The following NSUN7 variants were observed in gnomAD, a reference collection of about 807,000 sequenced individuals.
The protein encoded by NSUN7 is protein NSUN7.
NSUN7 carries 39 observed loss-of-function variants against 58.5 expected under a neutral mutation model. The ratio of observed to expected loss-of-function variants is 0.67; its 90% CI spans 0.52 to 0.87. The LOEUF (loss-of-function observed/expected upper bound fraction) is 0.87. Among genes scored for constraint, NSUN7 ranks in the 40% least tolerant of loss-of-function variants. NSUN7 has a pLI of 0.00. For synonymous variants in NSUN7, 278 were observed against 303.7 expected, an observed-to-expected ratio of 0.92 and a Z score of 0.88; for missense variants, 765 against 844.1, an observed-to-expected ratio of 0.91 and a Z score of 1.16.
chr4:40,779,778 C>T (rs753253212), intron 7 of NSUN7, among the ~76,000 whole-genome samples: 24 of 152,142 alleles, frequency 1.6e-4, no homozygotes, highest in Non-Finnish European at 2.2e-4. Flanking sequence ...TAAATTACAA[C>T]CATGACATAT....
chr4:40,761,053 G>T, intron 3 of NSUN7, 118 bp from the exon 4 acceptor site: 1 of 766,586 alleles, frequency 1.3e-6, no homozygotes. Flanking sequence ...ATCAGACTAT[G>T]TAAAAATAGT....
Position 40,761,291 on chromosome 4 carries a change from C to G in NSUN7, c.478C>G (p.Leu160Val), listed in dbSNP as rs762983582. 3 of 1,598,230 alleles carry G rather than the reference C, an allele frequency of 1.9e-6. No homozygotes were observed. Among genetic ancestry groups the G allele is most frequent in the East Asian group, 2.3e-5 (1 of 44,156 alleles). Residue 160 changes from leucine (L) to valine (V), a missense_variant, in exon 4 of 12, where the codon CTT becomes GTT. Physicochemically the swap from Leu to Val is conservative, Grantham distance 32 (BLOSUM62 1). Coordinates refer to ENST00000381782, the MANE Select transcript of NSUN7 (RefSeq NM_024677.6). ...PISEVQEVEN[L>V]LNSFKIKLAA... is the part of the protein sequence containing the mutation. Reference sequence around the variant, plus strand: ...ATCAGAAGTTCAAGAAGTAGAGAACCTTCTTAACAGGTAATCGTAAAAGTG... The same window carrying G: ...ATCAGAAGTTCAAGAAGTAGAGAACGTTCTTAACAGGTAATCGTAAAAGTG...
At chr4:40,752,223 T>C (rs573125324) in intron 2 of NSUN7, among the ~76,000 whole-genome samples, 25 of 152,334 alleles carry the variant, frequency 1.6e-4, no homozygotes, top group South Asian at 1.0e-3. Context: ...CAACACTCTT[T>C]TGCATGATTT....
chr4:40,750,606 C>A lies in NSUN7; in HGVS notation c.-88C>A. Reference sequence around the variant, plus strand: ...CAATCACCTTCTCTCTTCACAGAGACCATGCTGCAGATGCGAGGAAAGCCG... The same window carrying A: ...CAATCACCTTCTCTCTTCACAGAGAACATGCTGCAGATGCGAGGAAAGCCG... On this transcript the variant is annotated 5_prime_UTR_variant, in exon 2 of 12. Coordinates refer to ENST00000381782, the MANE Select transcript of NSUN7 (RefSeq NM_024677.6). 1.4e-6 allele frequency: 2 copies of A among 1,460,824 alleles called. No homozygotes were observed. Among genetic ancestry groups the A allele is most frequent in the Non-Finnish European group, 9.4e-7 (1 of 1,065,984 alleles). The allele number at this position is 1,460,824 out of a possible 1,614,324, so 90.5% of individuals were successfully genotyped here.
At chr4:40,787,954 C>T (rs1742910469) in intron 7 of NSUN7, among the ~76,000 whole-genome samples, 1 of 152,168 alleles carries the variant, frequency 6.6e-6, no homozygotes, top group African/African-American at 2.4e-5. Flanking sequence ...CCTGCCTCAC[C>T]CTCCTGAGTA....
At chr4:40,783,846 T>TAAAA (rs1324132904) in intron 7 of NSUN7, among the ~76,000 whole-genome samples, 2 of 142,410 alleles carry the variant, frequency 1.4e-5, no homozygotes, top group Non-Finnish European at 3.1e-5. Context: ...AGAATCCATT[T>TAAAA]AAAAAAAAAA....
chr4:40,797,821 C>A (rs55738012), intron 9 of NSUN7, among the ~76,000 whole-genome samples: 1 of 152,194 alleles, frequency 6.6e-6, no homozygotes, highest in Admixed American at 6.5e-5. Flanking sequence ...CCACAAGTCC[C>A]TGTACTATCT....
At chr4:40,761,356 T>C (rs1473254808) in intron 4 of NSUN7, 55 bp downstream of exon 4, 3 of 1,399,720 alleles carry the variant, frequency 2.1e-6, no homozygotes, top group Middle Eastern at 3.9e-4. Flanking sequence ...GGTATTGTTA[T>C]TGGTAAAATT....
At chr4:40,757,982 A>G (rs1436248185) in intron 2 of NSUN7, among the ~76,000 whole-genome samples, 1 of 151,928 alleles carries the variant, frequency 6.6e-6, no homozygotes, top group African/African-American at 2.4e-5. Flanking sequence ...GTGCAATGTC[A>G]CGATCTCGGC....
At chr4:40,783,820 C>T (rs1485070729) in intron 7 of NSUN7, among the ~76,000 whole-genome samples, 1 of 151,340 alleles carries the variant, frequency 6.6e-6, no homozygotes, top group African/African-American at 2.4e-5. Flanking sequence ...TGCACTCTAG[C>T]CTAGGCAACA....
At chr4:40,800,619 C>T (rs1163087987) in intron 10 of NSUN7, among the ~76,000 whole-genome samples, 2 of 152,164 alleles carry the variant, frequency 1.3e-5, no homozygotes, top group Non-Finnish European at 2.9e-5. Context: ...GGATTACAGG[C>T]GTGAGCCACC....
intron 9 of NSUN7, among the ~76,000 whole-genome samples, 186 bp from the exon 10 acceptor site, chr4:40,798,601 T>TA (rs1374137794): frequency 1.3e-5 from 2 of 152,242 alleles, no homozygotes; most frequent in Non-Finnish European, 2.9e-5. Context: ...TGACTTTACT[T>TA]ACTGGCCACA....
rs1394841727 is a variant in NSUN7, at chr4:40,766,705, C to T, written c.488+5404C>T. ...TGGTAGAATTCGGCTGTGAATCCAT[C>T]TGGTCCTGGAGTTTTTTTGGTTGGT... On this transcript the variant is annotated intron_variant, in intron 4 of 11. Coordinates refer to ENST00000381782, the MANE Select transcript of NSUN7 (RefSeq NM_024677.6). Among the ~76,000 whole-genome samples, 4 of 152,288 alleles carry T rather than the reference C, an allele frequency of 2.6e-5. No homozygotes were observed. The East Asian group carries it at 7.7e-4, about 29-fold the overall frequency.
chr4:40,755,052 A>C (rs1267605990), intron 2 of NSUN7, among the ~76,000 whole-genome samples: 1 of 152,144 alleles, frequency 6.6e-6, no homozygotes, highest in African/African-American at 2.4e-5. Context: ...GCCTATTCCT[A>C]TTGAGAGTTT....
chr4:40,777,134 C>G (rs1452531049), intron 7 of NSUN7, among the ~76,000 whole-genome samples: 3 of 152,092 alleles, frequency 2.0e-5, no homozygotes, highest in Non-Finnish European at 2.9e-5. Context: ...TCCCGAAGTA[C>G]ATCTTGGATA....
chr4:40,767,375 C>T (rs1347763128), intron 4 of NSUN7, among the ~76,000 whole-genome samples: 1 of 152,184 alleles, frequency 6.6e-6, no homozygotes. Context: ...TGTTCAGTTT[C>T]CATGTAGTTG....
At chr4:40,783,062 A>C (rs796483187) in intron 7 of NSUN7, among the ~76,000 whole-genome samples, 49 of 152,316 alleles carry the variant, frequency 3.2e-4, no homozygotes, top group African/African-American at 1.1e-3. Context: ...AGAATAGCTA[A>C]ATGAGTCATG....
chr4:40,757,361 T>C (rs189715549), intron 2 of NSUN7, among the ~76,000 whole-genome samples: 43 of 152,182 alleles, frequency 2.8e-4, no homozygotes, highest in African/African-American at 9.4e-4. Flanking sequence ...GTGTTTAAGA[T>C]AGCCTAAGCT....
chr4:40,770,076 G>A (rs926692979), intron 4 of NSUN7, among the ~76,000 whole-genome samples: 12 of 152,054 alleles, frequency 7.9e-5, no homozygotes, highest in Non-Finnish European at 1.3e-4. Flanking sequence ...CAGGCGTGGT[G>A]GTGCATGCCT....
Sources: gnomAD v4.1 joint callset for allele counts (sites outside exome capture counted in the v4.1 genomes callset) on GRCh38, gnomAD v4.1.1 for gene constraint, MANE v1.5 for transcripts, NCBI Gene and HGNC (gene_info 2026-07-23, HGNC 2026-07-21) for gene names.